The following MGAT4C variants were observed in gnomAD, a reference collection of about 807,000 sequenced individuals.
MGAT4C encodes the protein alpha-1,3-mannosyl-glycoprotein 4-beta-N-acetylglucosaminyltransferase C.
In MGAT4C, 19 loss-of-function variants were observed where a neutral mutation model predicts 40.1. That is an observed-to-expected ratio of 0.47 (90% confidence interval 0.33 to 0.70). The LOEUF (loss-of-function observed/expected upper bound fraction) is 0.70, where lower values mean the gene tolerates loss of function less well. MGAT4C is among the 30% of genes least tolerant of loss of function. The pLI, the probability that MGAT4C is intolerant of heterozygous loss-of-function variation, is 0.02. For synonymous variants in MGAT4C, 181 were observed against 187.1 expected, an observed-to-expected ratio of 0.97 and a Z score of 0.27; for missense variants, 491 against 563.2, an observed-to-expected ratio of 0.87 and a Z score of 1.30.
chr12:86,617,879 C>T (rs1206630345), intron 2 of MGAT4C, among the ~76,000 whole-genome samples: 1 of 151,974 alleles, frequency 6.6e-6, no homozygotes, highest in Non-Finnish European at 1.5e-5. Context: ...ATGAAACAAT[C>T]GACAATGTGA....
chr12:86,726,744 T>C (rs1950827908), intron 2 of MGAT4C, among the ~76,000 whole-genome samples: 1 of 152,130 alleles, frequency 6.6e-6, no homozygotes, highest in South Asian at 2.1e-4. Flanking sequence ...TAGTTACATA[T>C]AAAGATAAAT....
At chr12:86,818,816 ATAACATGAAGTC>A (rs1952651872) in intron 1 of MGAT4C, among the ~76,000 whole-genome samples, 1 of 151,230 alleles carries the variant, frequency 6.6e-6, no homozygotes, top group South Asian at 2.1e-4. Flanking sequence ...AATAATAAGA[ATAACATGAAGTC>A]TAACAACATT....
At chr12:86,062,280 G>A (rs1456046845) in intron 1 of MGAT4C, among the ~76,000 whole-genome samples, 1 of 152,168 alleles carries the variant, frequency 6.6e-6, no homozygotes, top group Non-Finnish European at 1.5e-5. Flanking sequence ...CTGCAGCAGA[G>A]GGTCCTGACT....
intron 2 of MGAT4C, among the ~76,000 whole-genome samples, chr12:86,533,898 G>C (rs1959026535): frequency 6.6e-6 from 1 of 151,434 alleles, no homozygotes. Context: ...TGTTAAAACA[G>C]AGATCTTAAG....
chr12:86,836,912 A>G (rs1031994671), intron 1 of MGAT4C, among the ~76,000 whole-genome samples: 1 of 152,032 alleles, frequency 6.6e-6, no homozygotes, highest in African/African-American at 2.4e-5. Flanking sequence ...TGCCTCCTTT[A>G]GCACATTGTT....
intron 3 of MGAT4C, among the ~76,000 whole-genome samples, chr12:86,337,679 T>G (rs896150100): frequency 6.6e-6 from 1 of 151,958 alleles, no homozygotes; most frequent in Non-Finnish European, 1.5e-5. Flanking sequence ...AGCTAAAACT[T>G]TGTTTGAGTA....
chr12:86,645,477 G>A (rs987248628), intron 2 of MGAT4C, among the ~76,000 whole-genome samples: 1 of 151,714 alleles, frequency 6.6e-6, no homozygotes, highest in African/African-American at 2.4e-5. Flanking sequence ...GTAAAAATCA[G>A]TCACCTGTGT....
chr12:86,130,644 T>G (rs56154427), intron 1 of MGAT4C, among the ~76,000 whole-genome samples: 11,424 of 151,988 alleles, frequency 0.075, 586 homozygotes, highest in Middle Eastern at 0.21. Context: ...TAGACTCCAG[T>G]AGAAGTAATG....
intron 3 of MGAT4C, among the ~76,000 whole-genome samples, chr12:86,403,990 C>A (rs1188469482): frequency 6.6e-6 from 1 of 152,010 alleles, no homozygotes; most frequent in Non-Finnish European, 1.5e-5. Context: ...TTGAGATAAT[C>A]AAATATTACC....
chr12:86,311,634 A>C (rs892771522), intron 4 of MGAT4C, among the ~76,000 whole-genome samples: 2 of 152,196 alleles, frequency 1.3e-5, no homozygotes, highest in Non-Finnish European at 2.9e-5. Context: ...TGCACTCAGA[A>C]AGAAGCCCCG....
chr12:86,694,668 C>G (rs1950224591), intron 2 of MGAT4C, among the ~76,000 whole-genome samples: 1 of 152,086 alleles, frequency 6.6e-6, no homozygotes, highest in Non-Finnish European at 1.5e-5. Context: ...TTTGAATTAT[C>G]AAGGTTATTT....
intron 1 of MGAT4C, among the ~76,000 whole-genome samples, chr12:86,832,883 A>G (rs897438598): frequency 7.2e-5 from 11 of 151,850 alleles, no homozygotes; most frequent in Non-Finnish European, 5.9e-5. Context: ...ACACATGTTT[A>G]GTAATAGTCT....
chr12:86,700,554 G>A (rs956778171), intron 2 of MGAT4C, among the ~76,000 whole-genome samples: 4 of 151,980 alleles, frequency 2.6e-5, no homozygotes, highest in African/African-American at 9.7e-5. Flanking sequence ...CCCTTCTAAT[G>A]GTATTATTTT....
chr12:86,822,827 A>G (rs1252990364), intron 1 of MGAT4C, among the ~76,000 whole-genome samples: 1 of 151,184 alleles, frequency 6.6e-6, no homozygotes. Context: ...ACAGATATAT[A>G]CTAAATATTC....
chr12:86,638,483 T>C (rs1464061463), intron 2 of MGAT4C, among the ~76,000 whole-genome samples: 2 of 151,836 alleles, frequency 1.3e-5, no homozygotes, highest in African/African-American at 4.8e-5. Flanking sequence ...GATGAGGTAA[T>C]AAATATGGGA....
At chr12:86,483,939 T>C (rs1424003963) in intron 2 of MGAT4C, among the ~76,000 whole-genome samples, 1 of 148,566 alleles carries the variant, frequency 6.7e-6, no homozygotes, top group Non-Finnish European at 1.5e-5. Context: ...ACAACAAGAG[T>C]TATTAAAGAC....
chr12:86,328,332 GA>G (rs1222969934), intron 4 of MGAT4C, among the ~76,000 whole-genome samples: 1 of 152,122 alleles, frequency 6.6e-6, no homozygotes, highest in Non-Finnish European at 1.5e-5. Context: ...CCCAGCCAGT[GA>G]AATAGGGTAA....
intron 1 of MGAT4C, among the ~76,000 whole-genome samples, chr12:86,768,788 A>G (rs1175918557): frequency 3.9e-5 from 6 of 152,128 alleles, no homozygotes; most frequent in Admixed American, 1.3e-4. Flanking sequence ...TATTTAATCA[A>G]TGGTGCTGGG....
At chr12:86,563,090 A>T (rs763873768) in intron 2 of MGAT4C, among the ~76,000 whole-genome samples, 5 of 152,146 alleles carry the variant, frequency 3.3e-5, no homozygotes, top group Non-Finnish European at 5.9e-5. Context: ...GATGGTCCAG[A>T]AGACATACCC....
Sources: allele counts gnomAD v4.1 joint callset (sites outside exome capture counted in the v4.1 genomes callset), GRCh38; gene constraint gnomAD v4.1.1; transcripts MANE v1.5; gene names NCBI Gene and HGNC (gene_info 2026-07-23, HGNC 2026-07-21).